SIPA1L1: variants seen among roughly 807,000 people sequenced by gnomAD.
SIPA1L1 encodes signal-induced proliferation-associated 1-like protein 1.
A neutral mutation model predicts 162.7 loss-of-function variants in SIPA1L1; 26 were observed. The observed-to-expected ratio is 0.16, with a 90% confidence interval of 0.12 to 0.22. The LOEUF (loss-of-function observed/expected upper bound fraction) is 0.22, where lower values mean the gene tolerates loss of function less well. SIPA1L1 is among the 10% of genes least tolerant of loss of function. The probability of loss-of-function intolerance (pLI) is 1.00; values close to 1 mark genes in which losing one functional copy is unlikely to be tolerated. For synonymous variants in SIPA1L1, 829 were observed against 837.4 expected, an observed-to-expected ratio of 0.99 and a Z score of 0.17; for missense variants, 1,874 against 2,241.0, an observed-to-expected ratio of 0.84 and a Z score of 3.31.
chr14:71,555,529 T>C (rs976843273), intron 4 of SIPA1L1, among the ~76,000 whole-genome samples: 10 of 152,240 alleles, frequency 6.6e-5, no homozygotes, highest in Non-Finnish European at 8.8e-5. Context: ...GCTGTTTTGC[T>C]TTCTTATCAT....
At chr14:71,396,064 TTGTCC>T (rs2041168910) in intron 2 of SIPA1L1, among the ~76,000 whole-genome samples, 1 of 152,154 alleles carries the variant, frequency 6.6e-6, no homozygotes, top group African/African-American at 2.4e-5. Flanking sequence ...AGAACATTTC[TTGTCC>T]TATCTTGCTT....
rs2042879016 is a variant in SIPA1L1, at chr14:71,417,495, A to AAAAAAAAAAAAAAAAAAAAAAAAAC, written c.-464-95240_-464-95239insAAAAAAAAAAAAAAAACAAAAAAAA. 1.4e-5 allele frequency among the ~76,000 whole-genome samples: 2 copies of AAAAAAAAAAAAAAAAAAAAAAAAAC among 147,222 alleles called. 1 individual carries two copies. Among genetic ancestry groups the AAAAAAAAAAAAAAAAAAAAAAAAAC allele is most frequent in the Non-Finnish European group, 3.0e-5 (2 of 66,542 alleles). On this transcript the variant is annotated intron_variant, in intron 2 of 23. Coordinates refer to ENST00000381232, the MANE Select transcript of SIPA1L1 (RefSeq NM_001386936.1). ...AAAAAAAAAAAAAAAAAAAAAAAAA[A>AAAAAAAAAAAAAAAAAAAAAAAAAC]AAAAAAAAGAAAATCCTAAAGAAGA...
chr14:71,350,457 C>G (rs755785302), intron 2 of SIPA1L1, among the ~76,000 whole-genome samples: 1 of 152,132 alleles, frequency 6.6e-6, no homozygotes, highest in Non-Finnish European at 1.5e-5. Context: ...TGGCCTTACC[C>G]GATTGGCCAC....
chr14:71,496,682 A>T (rs1266025365), intron 2 of SIPA1L1, among the ~76,000 whole-genome samples: 3 of 152,178 alleles, frequency 2.0e-5, no homozygotes, highest in Non-Finnish European at 2.9e-5. Context: ...TCAATTATTT[A>T]GAGTGGAGTT....
At position 71,393,641 on chromosome 14, in the gene SIPA1L1, C is replaced by CT. The variant is rs544428401; in HGVS notation, c.-465+72461dup. Among the ~76,000 whole-genome samples, 31 of 152,212 alleles carry CT rather than the reference C, an allele frequency of 2.0e-4. No homozygotes were observed. The South Asian group carries it at 4.4e-3, about 21-fold the overall frequency. On this transcript the variant is annotated intron_variant, in intron 2 of 23. Coordinates refer to ENST00000381232, the MANE Select transcript of SIPA1L1 (RefSeq NM_001386936.1). Reference sequence around the variant, plus strand: ...TGGGCAACATAGCAAAACCTAGTCTCTATCTTCCCCACACCCCACCAAAAA... The same window carrying CT: ...TGGGCAACATAGCAAAACCTAGTCTCTTATCTTCCCCACACCCCACCAAAAA...
chr14:71,537,782 G>A (rs764062252), intron 4 of SIPA1L1, among the ~76,000 whole-genome samples: 1 of 151,812 alleles, frequency 6.6e-6, no homozygotes, highest in Non-Finnish European at 1.5e-5. Context: ...GGTAAAGAAT[G>A]AAGTTGTGGG....
chr14:71,536,781 T>G (rs2053942980), intron 4 of SIPA1L1, among the ~76,000 whole-genome samples: 1 of 152,252 alleles, frequency 6.6e-6, no homozygotes, highest in Non-Finnish European at 1.5e-5. Context: ...AATTATAATG[T>G]TGTATTGTTG....
intron 5 of SIPA1L1, among the ~76,000 whole-genome samples, chr14:71,617,767 G>C (rs1003830956): frequency 6.6e-6 from 1 of 152,060 alleles, no homozygotes; most frequent in African/African-American, 2.4e-5. Context: ...TCATTTAGCC[G>C]TGTCAGATAT....
At chr14:71,438,499 A>G (rs1329464021) in intron 2 of SIPA1L1, among the ~76,000 whole-genome samples, 1 of 152,140 alleles carries the variant, frequency 6.6e-6, no homozygotes, top group Non-Finnish European at 1.5e-5. Flanking sequence ...CCTTATTCCC[A>G]GATCTCAAAA....
At chr14:71,649,777 G>A (rs1411863388) in intron 7 of SIPA1L1, among the ~76,000 whole-genome samples, 1 of 152,050 alleles carries the variant, frequency 6.6e-6, no homozygotes. Flanking sequence ...GATGATAGTA[G>A]TGCTGTAACA....
chr14:71,642,635 A>G (rs186707822), intron 7 of SIPA1L1, among the ~76,000 whole-genome samples: 6 of 152,368 alleles, frequency 3.9e-5, no homozygotes, highest in Admixed American at 3.9e-4. Context: ...AACAATATCC[A>G]GCACCCAACA....
chr14:71,330,458 C>G (rs2034392833), intron 2 of SIPA1L1: 1 of 1,601,918 alleles, frequency 6.2e-7, no homozygotes, highest in Admixed American at 1.7e-5. Context: ...TCTTGGAAAT[C>G]CACATCATTC....
chr14:71,521,653 T>A (rs1035179144), intron 3 of SIPA1L1, among the ~76,000 whole-genome samples: 18 of 152,258 alleles, frequency 1.2e-4, no homozygotes, highest in African/African-American at 4.1e-4. Flanking sequence ...GCTACAAATA[T>A]GTGTCCATTT....
intron 2 of SIPA1L1, among the ~76,000 whole-genome samples, chr14:71,409,038 T>TC (rs1057168644): frequency 6.6e-6 from 1 of 152,284 alleles, no homozygotes; most frequent in South Asian, 2.1e-4. Context: ...TACTGTGTGT[T>TC]CCCCCGTGAT....
intron 3 of SIPA1L1, among the ~76,000 whole-genome samples, chr14:71,516,698 T>C (rs909359046): frequency 6.7e-6 from 1 of 148,500 alleles, no homozygotes; most frequent in Admixed American, 6.8e-5. Context: ...TTTGGCTGGG[T>C]GTGGTGGCTC....
At chr14:71,446,906 G>T (rs10138668) in intron 2 of SIPA1L1, among the ~76,000 whole-genome samples, 4,013 of 53,240 alleles carry the variant, frequency 0.075, 490 homozygotes, top group East Asian at 0.19. Context: ...TTTTTTTTTT[G>T]TTTTTTTTTT....
At chr14:71,536,654 C>T (rs2053931190) in intron 4 of SIPA1L1, among the ~76,000 whole-genome samples, 1 of 152,228 alleles carries the variant, frequency 6.6e-6, no homozygotes, top group South Asian at 2.1e-4. Flanking sequence ...AAGAACATAG[C>T]ACTGTCTTGG....
At chr14:71,522,295 C>T (rs1022329612) in intron 3 of SIPA1L1, among the ~76,000 whole-genome samples, 2 of 152,032 alleles carry the variant, frequency 1.3e-5, no homozygotes, top group Non-Finnish European at 2.9e-5. Flanking sequence ...TTTTATGTCT[C>T]TTGGTATTGA....
intron 6 of SIPA1L1, among the ~76,000 whole-genome samples, chr14:71,620,915 C>G (rs1033520048): frequency 3.9e-5 from 6 of 152,190 alleles, no homozygotes; most frequent in Non-Finnish European, 7.3e-5. Context: ...CTGAAAGGTT[C>G]AAGTCAAGTG....
Sources: allele counts gnomAD v4.1 joint callset (sites outside exome capture counted in the v4.1 genomes callset), GRCh38; gene constraint gnomAD v4.1.1; transcripts MANE v1.5; gene names NCBI Gene and HGNC (gene_info 2026-07-23, HGNC 2026-07-21).